IGDCC3: variants seen among roughly 807,000 people sequenced by gnomAD.
IGDCC3 encodes putative neuronal cell adhesion molecule.
IGDCC3 carries 47 observed loss-of-function variants against 72.0 expected under a neutral mutation model. That is an observed-to-expected ratio of 0.65 (90% CI 0.52 to 0.83). The LOEUF is 0.83. IGDCC3 is among the 40% of genes least tolerant of loss of function. The pLI is 0.00. For missense variants in IGDCC3, 1,038 were observed against 1,091.3 expected, an observed-to-expected ratio of 0.95 and a Z score of 0.69; for synonymous variants, 477 against 472.8, an observed-to-expected ratio of 1.01 and a Z score of -0.11.
Position 65,328,996 on chromosome 15 carries a change from T to TG in IGDCC3, c.2357dup (p.Asp787ArgfsTer9), listed in dbSNP as rs1396497050. ...CACTGAGGAGGCCAGGGCCTCCATC[T>TG]GGGGGTGGTGGGGCAGCCGCCAGGC... On this transcript the variant is annotated frameshift_variant, in exon 14 of 14. Coordinates refer to ENST00000327987, the MANE Select transcript of IGDCC3 (RefSeq NM_004884.4). LOFTEE classifies it low-confidence loss of function (END_TRUNC). 3 of 1,610,988 alleles carry TG rather than the reference T, an allele frequency of 1.9e-6. No individual in the cohort carries two copies. Among genetic ancestry groups the TG allele is most frequent in the African/African-American group, 1.3e-5 (1 of 74,974 alleles).
intron 2 of IGDCC3, among the ~76,000 whole-genome samples, chr15:65,344,635 G>A (rs1283934585): frequency 1.3e-5 from 2 of 152,230 alleles, no homozygotes; most frequent in Admixed American, 6.5e-5. Flanking sequence ...GGCCAAAGGC[G>A]TGGCTGCAGG....
chr15:65,343,145 C>T (rs958236524), intron 2 of IGDCC3, among the ~76,000 whole-genome samples: 3 of 152,106 alleles, frequency 2.0e-5, no homozygotes, highest in African/African-American at 7.2e-5. Context: ...GAGCTATGTT[C>T]GTAAACTGCT....
At chr15:65,335,559 TCAAAGGTGGACA>T in intron 3 of IGDCC3, 138 bp from the exon 4 acceptor site, 1 of 980,610 alleles carries the variant, frequency 1.0e-6, no homozygotes, top group African/African-American at 1.6e-5. Flanking sequence ...ACTGGGACTT[TCAAAGGTGGACA>T]CACCCTCAAT....
At chr15:65,372,515 GGGC>G (rs2091332408) in intron 2 of IGDCC3, among the ~76,000 whole-genome samples, 1 of 152,204 alleles carries the variant, frequency 6.6e-6, no homozygotes, top group South Asian at 2.1e-4. Context: ...CCTGATGGAA[GGGC>G]GTGCATTTCC....
At position 65,328,735 on chromosome 15, in the gene IGDCC3, GC is replaced by G; in HGVS notation, c.*173del. ...GCTCCAACTCCTGATGGGTGTTAGG[GC>G]CGGGGGGTCCCTGTCAAGGCTGCCT... On this transcript the variant is annotated 3_prime_UTR_variant, in exon 14 of 14. Coordinates refer to ENST00000327987, the MANE Select transcript of IGDCC3 (RefSeq NM_004884.4). 1 of 699,878 alleles carries G rather than the reference GC, an allele frequency of 1.4e-6. No homozygotes were observed. The highest frequency in any genetic ancestry group is 1.9e-5 in the African/African-American group (1 of 53,996). 43.4% of individuals were successfully genotyped at this position (699,878 alleles called of 1,614,324 possible). A position where few individuals can be genotyped will look rare whatever the true frequency, so the allele number is the denominator to read the frequency against.
At chr15:65,335,662 C>T (rs2091022066) in intron 3 of IGDCC3, 150 bp downstream of exon 3, 2 of 936,148 alleles carry the variant, frequency 2.1e-6, no homozygotes, top group South Asian at 1.5e-5. Flanking sequence ...ATGTGGATAC[C>T]CAGTCTAAAC....
At chr15:65,359,107 G>A (rs1396684661) in intron 2 of IGDCC3, among the ~76,000 whole-genome samples, 1 of 152,196 alleles carries the variant, frequency 6.6e-6, no homozygotes, top group Non-Finnish European at 1.5e-5. Flanking sequence ...GTGAGCCACT[G>A]CACCTGGCCT....
At chr15:65,360,529 T>C (rs2091253622) in intron 2 of IGDCC3, among the ~76,000 whole-genome samples, 1 of 151,262 alleles carries the variant, frequency 6.6e-6, no homozygotes, top group Non-Finnish European at 1.5e-5. Context: ...ATGAAGGGAA[T>C]TGTTGCAGAA....
At chr15:65,375,991 GCTT>G (rs1333348926) in intron 1 of IGDCC3, among the ~76,000 whole-genome samples, 1 of 152,196 alleles carries the variant, frequency 6.6e-6, no homozygotes, top group Non-Finnish European at 1.5e-5. Flanking sequence ...AATAAATCAT[GCTT>G]CTTTTTGCTG....
chr15:65,333,027 G>T (rs2090992497), intron 6 of IGDCC3, among the ~76,000 whole-genome samples: 1 of 152,382 alleles, frequency 6.6e-6, no homozygotes, highest in South Asian at 2.1e-4. Context: ...GGACCCGGAG[G>T]GCACGCAGAG....
chr15:65,336,518 T>C (rs553361790), intron 2 of IGDCC3, among the ~76,000 whole-genome samples: 78 of 152,006 alleles, frequency 5.1e-4, no homozygotes, highest in African/African-American at 1.9e-3. Flanking sequence ...GAGCTTTTTT[T>C]TGGTCCCTCC....
chr15:65,330,980 G>A, intron 9 of IGDCC3, 70 bp downstream of exon 9: 1 of 1,547,366 alleles, frequency 6.5e-7, no homozygotes, highest in East Asian at 2.2e-5. Flanking sequence ...CAGAACAAGT[G>A]TGCATGGTGG....
intron 2 of IGDCC3, among the ~76,000 whole-genome samples, chr15:65,372,181 G>A (rs1037999035): frequency 6.6e-6 from 1 of 152,146 alleles, no homozygotes; most frequent in African/African-American, 2.4e-5. Flanking sequence ...TGCTTCCTGC[G>A]TGCCAGGCAA....
intron 2 of IGDCC3, among the ~76,000 whole-genome samples, chr15:65,351,047 A>G (rs1481347184): frequency 6.6e-6 from 1 of 152,252 alleles, no homozygotes; most frequent in Non-Finnish European, 1.5e-5. Context: ...AAAAAAATCT[A>G]AAGTTTAAAC....
At position 65,329,249 on chromosome 15, in the gene IGDCC3, G is replaced by C; in HGVS notation, c.2206-101C>G. On this transcript the variant is annotated intron_variant, in intron 13 of 13. Transcript: ENST00000327987. This position sits in a 1 kb window ranked among gnomAD's most constrained non-coding sequence, Gnocchi z 4.1. ...TTAGGGTCTCCAGGTCTCCCTGCCT[G>C]ACTCAGGGACACAAAGAGAAGACCT... The C allele has an allele frequency of 6.7e-7, 1 of 1,492,326 alleles. No homozygotes were observed. The allele number at this position is 1,492,326 out of a possible 1,614,324, so 92.4% of individuals were successfully genotyped here. A position where few individuals can be genotyped will look rare whatever the true frequency, so the allele number is the denominator to read the frequency against.
intron 2 of IGDCC3, among the ~76,000 whole-genome samples, chr15:65,374,629 T>C (rs985888268): frequency 9.2e-5 from 14 of 152,202 alleles, no homozygotes; most frequent in Admixed American, 5.2e-4. Context: ...TACTGGTATA[T>C]AGAGGTCTTA....
intron 2 of IGDCC3, among the ~76,000 whole-genome samples, chr15:65,374,558 T>C (rs764900463): frequency 3.9e-5 from 6 of 152,164 alleles, no homozygotes; most frequent in Non-Finnish European, 7.3e-5. Context: ...ATTGAGATAA[T>C]TCTGAAATTA....
At chr15:65,364,367 C>T (rs1172148395) in intron 2 of IGDCC3, among the ~76,000 whole-genome samples, 1 of 152,166 alleles carries the variant, frequency 6.6e-6, no homozygotes, top group Non-Finnish European at 1.5e-5. Context: ...TAAATTAGCA[C>T]ACAAAGGGCC....
At chr15:65,335,140 G>T in intron 4 of IGDCC3, 151 bp downstream of exon 4, 1 of 873,966 alleles carries the variant, frequency 1.1e-6, no homozygotes, top group Non-Finnish European at 1.7e-6. Context: ...AGATTCCTGT[G>T]CACCCTCACG....
Sources: allele counts gnomAD v4.1 joint callset (sites outside exome capture counted in the v4.1 genomes callset), GRCh38; gene constraint gnomAD v4.1.1; non-coding constraint Gnocchi (gnomAD v3.1); transcripts MANE v1.5; gene names NCBI Gene and HGNC (gene_info 2026-07-23, HGNC 2026-07-21).